CLMP: variants seen among roughly 807,000 people sequenced by gnomAD.
CLMP encodes the protein CXADR-like membrane protein.
CLMP carries 27 observed loss-of-function variants against 45.2 expected under a neutral mutation model. The observed-to-expected ratio is 0.60, with a 90% confidence interval of 0.44 to 0.82. CLMP has a LOEUF of 0.82. CLMP is among the 40% of genes least tolerant of loss of function. The pLI is 0.00. For missense variants in CLMP, 403 were observed against 448.4 expected, an observed-to-expected ratio of 0.90 and a Z score of 0.91; for synonymous variants, 167 against 171.4, an observed-to-expected ratio of 0.97 and a Z score of 0.20.
chr11:123,142,547 G>A (rs1441358496), intron 1 of CLMP, among the ~76,000 whole-genome samples: 2 of 152,048 alleles, frequency 1.3e-5, no homozygotes, highest in East Asian at 3.9e-4. Flanking sequence ...AGTGAGAGAA[G>A]GGGGAACTTA....
At position 123,161,675 on chromosome 11, in the gene CLMP, AAAAT is replaced by A. The variant is rs750896212; in HGVS notation, c.28+33234_28+33237del. Among the ~76,000 whole-genome samples the A allele has an allele frequency of 5.1e-4, 78 of 152,218 alleles. 1 individual carries two copies. Among genetic ancestry groups the A allele is most frequent in the East Asian group, 3.9e-3 (20 of 5,182 alleles). On this transcript the variant is annotated intron_variant, in intron 1 of 6. Transcript: ENST00000448775. ...TGGCAACGGAACAAGATTCTGTCTC[AAAAT>A]AAATAAATAAATAAATAAACAAACA...
chr11:123,084,827 G>C lies in CLMP; in HGVS notation c.187-114C>G, dbSNP rs924669174. On this transcript the variant is annotated intron_variant, in intron 2 of 6. Transcript: ENST00000448775. ...AGTGGCACAAAGTAGTCAAGCCTGGGGCTGAGAGTCCAAGAGACCTCTGTT... is the reference window on the plus strand; with the variant it reads ...AGTGGCACAAAGTAGTCAAGCCTGGCGCTGAGAGTCCAAGAGACCTCTGTT... 4 of 826,522 alleles carry C rather than the reference G, an allele frequency of 4.8e-6. No individual in the cohort carries two copies. The African/African-American group carries it at 6.8e-5, about 14-fold the overall frequency. 51.2% of individuals were successfully genotyped at this position (826,522 alleles called of 1,614,324 possible). A position where few individuals can be genotyped will look rare whatever the true frequency, so the allele number is the denominator to read the frequency against.
At chr11:123,176,660 A>G (rs764167951) in intron 1 of CLMP, among the ~76,000 whole-genome samples, 3 of 152,180 alleles carry the variant, frequency 2.0e-5, no homozygotes, top group Non-Finnish European at 4.4e-5. Context: ...ATCTGACCCC[A>G]GAAGCAGCCT....
intron 1 of CLMP, among the ~76,000 whole-genome samples, chr11:123,127,209 C>T (rs1860908501): frequency 6.6e-6 from 1 of 151,968 alleles, no homozygotes; most frequent in African/African-American, 2.4e-5. Context: ...GCAACCTGCG[C>T]CTCCTGGATT....
intron 1 of CLMP, among the ~76,000 whole-genome samples, chr11:123,111,919 A>G (rs750789374): frequency 1.3e-5 from 2 of 149,726 alleles, no homozygotes; most frequent in Non-Finnish European, 3.0e-5. Flanking sequence ...ACCAAAAAAG[A>G]CTTATTTATT....
At chr11:123,128,659 C>CA (rs1286901115) in intron 1 of CLMP, among the ~76,000 whole-genome samples, 66 of 147,480 alleles carry the variant, frequency 4.5e-4, no homozygotes, top group African/African-American at 1.3e-3. Context: ...GACCATGTCT[C>CA]AAAAAAAAAG....
At chr11:123,106,418 TGTGTGTGCGCGCGCGCGC>T (rs768224278) in intron 1 of CLMP, among the ~76,000 whole-genome samples, 210 of 103,352 alleles carry the variant, frequency 2.0e-3, no homozygotes, top group African/African-American at 6.0e-3. Context: ...TGTGTGTGTG[TGTGTGTGCGCGCGCGCGC>T]GCGCACGTGC....
At chr11:123,101,355 C>T (rs1866057343) in intron 1 of CLMP, among the ~76,000 whole-genome samples, 1 of 152,216 alleles carries the variant, frequency 6.6e-6, no homozygotes, top group Non-Finnish European at 1.5e-5. Flanking sequence ...GATCCGCCTG[C>T]CTCGGCCTCC....
At chr11:123,081,847 G>A (rs1323069840) in intron 5 of CLMP, among the ~76,000 whole-genome samples, 1 of 146,732 alleles carries the variant, frequency 6.8e-6, no homozygotes, top group Admixed American at 6.9e-5. Flanking sequence ...GGGTGACAGA[G>A]CAAGACCCTG....
intron 1 of CLMP, chr11:123,191,291 C>T (rs1327584500): frequency 6.6e-6 from 1 of 151,972 alleles, no homozygotes; most frequent in Non-Finnish European, 1.5e-5. Context: ...AAGCACAAGA[C>T]AAAAATAGGA....
At chr11:123,091,198 G>C (rs980396857) in intron 2 of CLMP, among the ~76,000 whole-genome samples, 2 of 152,092 alleles carry the variant, frequency 1.3e-5, no homozygotes, top group African/African-American at 4.8e-5. Context: ...TTTGCCTCCT[G>C]CGTTCAAGCG....
At chr11:123,139,507 G>A (rs1861124963) in intron 1 of CLMP, among the ~76,000 whole-genome samples, 1 of 152,132 alleles carries the variant, frequency 6.6e-6, no homozygotes, top group African/African-American at 2.4e-5. Context: ...CTAAGCTTCA[G>A]TGGTAACATT....
chr11:123,095,171 T>C (rs1302495831), intron 2 of CLMP, among the ~76,000 whole-genome samples: 1 of 152,214 alleles, frequency 6.6e-6, no homozygotes, highest in Admixed American at 6.6e-5. Flanking sequence ...AAATCAATAA[T>C]TAACATCCTA....
intron 1 of CLMP, among the ~76,000 whole-genome samples, chr11:123,167,248 T>C (rs1861569585): frequency 1.3e-5 from 2 of 152,242 alleles, no homozygotes; most frequent in Admixed American, 6.5e-5. Context: ...TTTTGAAACC[T>C]TGACACCATC....
rs1178122223 is a variant in CLMP at position 123,070,983 on chromosome 11, T to G, written c.*2491A>C. 6.6e-6 allele frequency: 1 copy of G among 152,216 alleles called. No individual in the cohort carries two copies. The highest frequency in any genetic ancestry group is 1.5e-5 in the Non-Finnish European group (1 of 68,038). 9.4% of individuals were successfully genotyped at this position (152,216 alleles called of 1,614,324 possible). ...TTTTTGCACTATGTGACGACACGATTGTGAGAATTAAATATAGGAGTGAAA... is the reference window on the plus strand; with the variant it reads ...TTTTTGCACTATGTGACGACACGATGGTGAGAATTAAATATAGGAGTGAAA... On this transcript the variant is annotated 3_prime_UTR_variant, in exon 7 of 7. Transcript: ENST00000448775.
chr11:123,073,784 A>G lies in CLMP; in HGVS notation c.822-10T>C. ...AGCTTCAGCATCTTCTCTGAAGAGAAAAAACAGCAAAGATTAACACTGGCA... is the reference window on the plus strand; with the variant it reads ...AGCTTCAGCATCTTCTCTGAAGAGAGAAAACAGCAAAGATTAACACTGGCA... On this transcript the variant is annotated splice_polypyrimidine_tract_variant and intron_variant, in intron 6 of 6. Transcript: ENST00000448775. The G allele has an allele frequency of 6.4e-7, 1 of 1,556,170 alleles. No individual in the cohort carries two copies. The highest frequency in any genetic ancestry group is 2.2e-5 in the East Asian group (1 of 44,480).
chr11:123,164,987 T>C (rs946091022), intron 1 of CLMP, among the ~76,000 whole-genome samples: 2 of 152,212 alleles, frequency 1.3e-5, no homozygotes, highest in African/African-American at 2.4e-5. Context: ...AACAGAAGGG[T>C]CATGCTCTCT....
chr11:123,103,844 T>C (rs1255594798), intron 1 of CLMP, among the ~76,000 whole-genome samples: 1 of 151,264 alleles, frequency 6.6e-6, no homozygotes, highest in African/African-American at 2.4e-5. Flanking sequence ...TTTTTTTTTT[T>C]TTTGAGACAG....
intron 1 of CLMP, among the ~76,000 whole-genome samples, chr11:123,126,831 A>T (rs1365826594): frequency 6.6e-6 from 1 of 151,846 alleles, no homozygotes; most frequent in Non-Finnish European, 1.5e-5. Context: ...TGGGAGGCGG[A>T]GCTTGCAGTG....
Sources: allele counts gnomAD v4.1 joint callset (sites outside exome capture counted in the v4.1 genomes callset), GRCh38; gene constraint gnomAD v4.1.1; transcripts MANE v1.5; gene names NCBI Gene and HGNC (gene_info 2026-07-23, HGNC 2026-07-21).